Variants in PAM observed in about 807,000 individuals in gnomAD.
PAM encodes peptidyl-glycine alpha-amidating monooxygenase.
Under a neutral mutation model 122.1 loss-of-function variants are expected in PAM, and 72 were observed. The observed-to-expected ratio is 0.59, with a 90% confidence interval of 0.49 to 0.72. The LOEUF (loss-of-function observed/expected upper bound fraction) is 0.72, where lower values mean the gene tolerates loss of function less well. Among genes scored for constraint, PAM ranks in the 30% least tolerant of loss-of-function variants. The pLI is 0.00. For missense variants in PAM, 1,106 were observed against 1,183.7 expected (o/e 0.93, Z 0.96); for synonymous variants, 389 against 404.4 (o/e 0.96, Z 0.46).
At chr5:102,802,108 A>G (rs970331960) in intron 1 of PAM, among the ~76,000 whole-genome samples, 4 of 152,204 alleles carry the variant, frequency 2.6e-5, no homozygotes, top group Admixed American at 2.0e-4. Context: ...AAACTCCACT[A>G]ATTGAGAGAC....
chr5:102,986,883 C>A (rs748699645), intron 15 of PAM, among the ~76,000 whole-genome samples: 10 of 152,174 alleles, frequency 6.6e-5, no homozygotes, highest in African/African-American at 1.9e-4. Context: ...ATAAGACATG[C>A]CTTTCACCTT....
chr5:102,784,884 A>G (rs1760072651), intron 1 of PAM, among the ~76,000 whole-genome samples: 1 of 152,228 alleles, frequency 6.6e-6, no homozygotes, highest in Non-Finnish European at 1.5e-5. Flanking sequence ...GTGGTCTTAA[A>G]TGCCATGTTA....
chr5:102,946,158 T>C (rs555694466), intron 7 of PAM, among the ~76,000 whole-genome samples: 1 of 152,244 alleles, frequency 6.6e-6, no homozygotes, highest in South Asian at 2.1e-4. Context: ...ATGCTGCTTA[T>C]CAAAACTGCC....
intron 1 of PAM, among the ~76,000 whole-genome samples, chr5:102,849,938 T>A (rs1407671284): frequency 6.6e-6 from 1 of 152,216 alleles, no homozygotes; most frequent in Admixed American, 6.5e-5. Flanking sequence ...TTAGTACTAT[T>A]TGACTTTTAA....
intron 1 of PAM, among the ~76,000 whole-genome samples, chr5:102,790,426 T>C (rs980809252): frequency 6.6e-6 from 1 of 152,080 alleles, no homozygotes; most frequent in Admixed American, 6.6e-5. Context: ...ACAGCAGAGC[T>C]TGTAGCCATC....
At position 103,019,700 on chromosome 5, in the gene PAM, T is replaced by G. The variant is rs999293203; in HGVS notation, c.2432-90T>G. Reference sequence around the variant, plus strand: ...CATTTGATGAATTAAGGAAATATTTTCTACTGAGTAAAATTAATATCAAAG... The same window carrying G: ...CATTTGATGAATTAAGGAAATATTTGCTACTGAGTAAAATTAATATCAAAG... On this transcript the variant is annotated intron_variant, in intron 22 of 25. Transcript: ENST00000438793. 18 of 832,962 alleles carry G rather than the reference T, an allele frequency of 2.2e-5. No homozygotes were observed. In the African/African-American group the frequency reaches 3.1e-4, roughly 14 times the overall value. 51.6% of individuals were successfully genotyped at this position (832,962 alleles called of 1,614,324 possible). A position where few individuals can be genotyped will look rare whatever the true frequency, so the allele number is the denominator to read the frequency against.
intron 1 of PAM, among the ~76,000 whole-genome samples, chr5:102,815,020 C>A (rs988805317): frequency 3.3e-5 from 5 of 151,994 alleles, no homozygotes; most frequent in Admixed American, 3.3e-4. Context: ...CTTCTCTTTA[C>A]TTTTATTCCT....
At chr5:102,980,362 A>C (rs1379639361) in intron 15 of PAM, among the ~76,000 whole-genome samples, 1 of 152,168 alleles carries the variant, frequency 6.6e-6, no homozygotes, top group East Asian at 1.9e-4. Flanking sequence ...TTAAGGTAGA[A>C]CTCAAATATA....
chr5:102,787,334 C>T (rs1156332503), intron 1 of PAM, among the ~76,000 whole-genome samples: 1 of 151,990 alleles, frequency 6.6e-6, no homozygotes, highest in African/African-American at 2.4e-5. Context: ...TACCATTATC[C>T]CGTGCTGTCT....
intron 3 of PAM, among the ~76,000 whole-genome samples, chr5:102,871,907 C>T (rs73192745): frequency 0.089 from 13,545 of 151,454 alleles, 1,496 homozygotes; most frequent in African/African-American, 0.25. Flanking sequence ...CAACTTAGGT[C>T]CTCTGTGTTC....
chr5:102,758,041 CAAAAAAAAAA>C (rs3072349), intron 1 of PAM, among the ~76,000 whole-genome samples: 1 of 94,648 alleles, frequency 1.1e-5, no homozygotes, highest in South Asian at 3.4e-4. Flanking sequence ...GGCCCTGTCT[CAAAAAAAAAA>C]AAAAAAAAGA....
rs777044915 is a variant in PAM, at chr5:102,866,184, A to T, written c.-12A>T. 14 of 1,602,110 alleles carry T rather than the reference A, an allele frequency of 8.7e-6. No individual in the cohort carries two copies. Among genetic ancestry groups the T allele is most frequent in the Non-Finnish European group, 1.2e-5 (14 of 1,170,522 alleles). On this transcript the variant is annotated 5_prime_UTR_variant, in exon 2 of 26. Transcript: ENST00000438793. Reference sequence around the variant, plus strand: ...CCCGGTCCTCTCCCGGCGGGGTCGTATCGGCGTGGACATGGCTGGCCGCGT... The same window carrying T: ...CCCGGTCCTCTCCCGGCGGGGTCGTTTCGGCGTGGACATGGCTGGCCGCGT...
At chr5:102,938,593 T>C (rs1423180894) in intron 7 of PAM, among the ~76,000 whole-genome samples, 1 of 152,196 alleles carries the variant, frequency 6.6e-6, no homozygotes, top group Non-Finnish European at 1.5e-5. Context: ...TTACCTTTAT[T>C]GATCCCTTTG....
At chr5:102,772,083 T>C (rs889266905) in intron 1 of PAM, among the ~76,000 whole-genome samples, 6 of 152,144 alleles carry the variant, frequency 3.9e-5, no homozygotes, top group African/African-American at 1.4e-4. Context: ...AAAAACGCTC[T>C]GAGTGCCTCA....
At chr5:102,890,697 CAT>C (rs1479821353) in intron 3 of PAM, among the ~76,000 whole-genome samples, 1 of 151,866 alleles carries the variant, frequency 6.6e-6, no homozygotes, top group South Asian at 2.1e-4. Flanking sequence ...CCTGAGAAAA[CAT>C]AAGAAAATAA....
chr5:102,832,704 A>AATAT (rs541606258), intron 1 of PAM, among the ~76,000 whole-genome samples: 26 of 150,900 alleles, frequency 1.7e-4, no homozygotes, highest in African/African-American at 5.8e-4. Flanking sequence ...ATTTTGTAAT[A>AATAT]ATATATATAT....
At chr5:102,905,175 C>T (rs529912729) in intron 4 of PAM, among the ~76,000 whole-genome samples, 1 of 151,724 alleles carries the variant, frequency 6.6e-6, no homozygotes, top group Admixed American at 6.6e-5. Flanking sequence ...GACCACTGAA[C>T]TGTGGTGCTG....
At chr5:103,008,483 C>T (rs1254348736) in intron 20 of PAM, among the ~76,000 whole-genome samples, 2 of 151,928 alleles carry the variant, frequency 1.3e-5, no homozygotes, top group African/African-American at 2.4e-5. Context: ...AGATCAATAA[C>T]GAGGAATTTT....
intron 14 of PAM, among the ~76,000 whole-genome samples, chr5:102,967,716 C>CT (rs199841427): frequency 0.26 from 34,484 of 130,996 alleles, 5,062 homozygotes; most frequent in East Asian, 0.37. Flanking sequence ...AAAACTAGGC[C>CT]TTTTTTTTTT....
Sources: allele counts gnomAD v4.1 joint callset (sites outside exome capture counted in the v4.1 genomes callset), GRCh38; gene constraint gnomAD v4.1.1; transcripts MANE v1.5; gene names NCBI Gene and HGNC (gene_info 2026-07-23, HGNC 2026-07-21).